The following RSPH14 variants were observed in gnomAD, a reference collection of about 807,000 sequenced individuals.
RSPH14 encodes the protein rhabdoid tumor deletion region gene 1.
Under a neutral mutation model 26.7 loss-of-function variants are expected in RSPH14, and 20 were observed. The ratio of observed to expected loss-of-function variants is 0.75; its 90% CI spans 0.53 to 1.09. RSPH14 has a LOEUF of 1.09. RSPH14 is among the 50% of genes least tolerant of loss of function. RSPH14 has a pLI of 0.00. For synonymous variants in RSPH14, 177 were observed against 189.3 expected (o/e 0.93, Z 0.53); for missense variants, 449 against 457.2 (o/e 0.98, Z 0.16).
chr22:23,173,837 A>G, the RSPH14 span, among the ~76,000 whole-genome samples: 1 of 152,056 alleles, frequency 6.6e-6, no homozygotes, highest in African/African-American at 2.4e-5. Flanking sequence ...CCTCCTGAGT[A>G]GCTGGGACTA....
the RSPH14 span, chr22:23,161,017 G>A: frequency 4.3e-5 from 69 of 1,586,344 alleles, no homozygotes; most frequent in African/African-American, 8.6e-4. Context: ...AGGTGTGACT[G>A]GGTTGGGCTG....
upstream of RSPH14, chr22:23,145,632 G>A (rs1196467346): frequency 2.3e-5 from 33 of 1,440,198 alleles, no homozygotes; most frequent in Non-Finnish European, 2.9e-5. Flanking sequence ...GGGCCGCGAG[G>A]GCACAGCGTC....
the RSPH14 span, among the ~76,000 whole-genome samples, chr22:23,158,710 C>T: frequency 1.3e-5 from 2 of 152,342 alleles, no homozygotes; most frequent in African/African-American, 4.8e-5. Flanking sequence ...ATTCCCACCC[C>T]TTTGGGTCCA....
intron 4 of RSPH14, among the ~76,000 whole-genome samples, chr22:23,069,070 G>A (rs889379314): frequency 1.3e-5 from 2 of 152,194 alleles, no homozygotes; most frequent in Non-Finnish European, 2.9e-5. Context: ...GGTACGTAAC[G>A]CAATGGTCTC....
intron 4 of RSPH14, chr22:23,131,461 A>G: frequency 2.3e-6 from 1 of 438,374 alleles, no homozygotes; most frequent in South Asian, 2.2e-5. Flanking sequence ...ATTTCTTCAA[A>G]TAAAAATTTC....
At chr22:23,113,100 A>G (rs1029064899) in intron 4 of RSPH14, among the ~76,000 whole-genome samples, 5 of 152,152 alleles carry the variant, frequency 3.3e-5, no homozygotes, top group African/African-American at 9.7e-5. Context: ...CCTGCGGCTG[A>G]CCCTGGCCAG....
At chr22:23,122,399 C>T (rs962735301) in intron 4 of RSPH14, 27 of 152,948 alleles carry the variant, frequency 1.8e-4, no homozygotes, top group South Asian at 8.3e-4. Flanking sequence ...GGTCCTGCCT[C>T]GGCAGAGAGG....
intron 6 of RSPH14, among the ~76,000 whole-genome samples, chr22:23,060,469 C>CA (rs35204459): frequency 0.032 from 3,909 of 120,310 alleles, 79 homozygotes; most frequent in African/African-American, 0.065. Flanking sequence ...GACTCCATCT[C>CA]AAAAAAAAAA....
chr22:23,063,830 G>C, intron 5 of RSPH14, 72 bp downstream of exon 5: 3 of 1,472,498 alleles, frequency 2.0e-6, no homozygotes, highest in Non-Finnish European at 2.8e-6. Flanking sequence ...GGCCGCCCTT[G>C]AGCTCTGGAC....
intron 6 of RSPH14, among the ~76,000 whole-genome samples, chr22:23,061,538 G>A (rs181633533): frequency 7.9e-5 from 12 of 152,274 alleles, no homozygotes; most frequent in Non-Finnish European, 1.6e-4. Context: ...TGGGAGGCGG[G>A]AATTCCAGGC....
intron 4 of RSPH14, among the ~76,000 whole-genome samples, chr22:23,076,790 C>A (rs888325312): frequency 9.9e-5 from 15 of 152,204 alleles, no homozygotes; most frequent in African/African-American, 2.4e-5. Context: ...GGTAGAGTGG[C>A]CTTTCCAGGT....
intron 4 of RSPH14, among the ~76,000 whole-genome samples, chr22:23,093,512 G>A (rs1344777866): frequency 1.3e-5 from 2 of 152,222 alleles, no homozygotes; most frequent in Non-Finnish European, 2.9e-5. Context: ...TCACACATTA[G>A]CTGAGGGCTG....
In RSPH14 at chr22:23,092,746, G is replaced by C. The variant is rs537042068; in HGVS notation, c.422-28613C>G. ...TCCTGATTCCCCAGCCTTGGAGCCAGGGAGCACATACATCCCAAAGCACAA... is the reference window on the plus strand; with the variant it reads ...TCCTGATTCCCCAGCCTTGGAGCCACGGAGCACATACATCCCAAAGCACAA... On this transcript the variant is annotated intron_variant, in intron 4 of 6. Transcript: ENST00000216036. 1.5e-3 allele frequency among the ~76,000 whole-genome samples: 226 copies of C among 152,324 alleles called. 1 individual carries two copies. Among genetic ancestry groups the C allele is most frequent in the African/African-American group, 3.8e-3 (160 of 41,570 alleles).
chr22:23,174,898 C>T, the RSPH14 span, among the ~76,000 whole-genome samples: 1 of 150,838 alleles, frequency 6.6e-6, no homozygotes, highest in Non-Finnish European at 1.5e-5. Context: ...AACCGGGAAG[C>T]GGAGGTTGTG....
intron 4 of RSPH14, chr22:23,096,028 G>C (rs750445330): frequency 5.6e-6 from 9 of 1,606,868 alleles, no homozygotes; most frequent in Non-Finnish European, 7.6e-6. Flanking sequence ...TTGCGCTGAC[G>C]GGCCCCGCTG....
rs183682103 is a variant in RSPH14 at position 23,067,825 on chromosome 22, T to G, written c.422-3692A>C. 2.9e-3 allele frequency among the ~76,000 whole-genome samples: 441 copies of G among 152,260 alleles called. 1 individual carries two copies. The highest frequency in any genetic ancestry group is 2.8e-3 in the Non-Finnish European group (190 of 68,016). ...TCTCCTAACATGCTCTTGGTCTCCC[T>G]GCCATCTCACAGCCACAGCAGACCG... is the stretch of plus-strand genomic sequence containing the variant. On this transcript the variant is annotated intron_variant, in intron 4 of 6. Transcript: ENST00000216036.
chr22:23,162,996 C>T, the RSPH14 span: 2 of 308,178 alleles, frequency 6.5e-6, no homozygotes, highest in Non-Finnish European at 1.3e-5. Context: ...AGTGCAACCT[C>T]TGCCTCCCAG....
the RSPH14 span, among the ~76,000 whole-genome samples, chr22:23,171,182 G>T: frequency 6.6e-6 from 1 of 151,978 alleles, no homozygotes; most frequent in Non-Finnish European, 1.5e-5. Flanking sequence ...TGGCCAGGAT[G>T]GTCTCAATCT....
upstream of RSPH14, among the ~76,000 whole-genome samples, chr22:23,143,660 C>G (rs1013714916): frequency 3.9e-5 from 6 of 152,146 alleles, no homozygotes; most frequent in African/African-American, 1.4e-4. Flanking sequence ...CTTGCTTTGG[C>G]CACTTCTCTA....
Sources: allele counts gnomAD v4.1 joint callset (sites outside exome capture counted in the v4.1 genomes callset), GRCh38; gene constraint gnomAD v4.1.1; transcripts MANE v1.5; gene names NCBI Gene and HGNC (gene_info 2026-07-23, HGNC 2026-07-21).